ST8SIA1: variants seen among roughly 807,000 people sequenced by gnomAD.
ST8SIA1 encodes ST8 alpha-N-acetyl-neuraminide alpha-2,8-sialyltransferase 1, also known as alpha-N-acetylneuraminide alpha-2,8-sialyltransferase.
ST8SIA1 carries 16 observed loss-of-function variants against 35.9 expected under a neutral mutation model. The ratio of observed to expected loss-of-function variants is 0.45; its 90% CI spans 0.30 to 0.68. ST8SIA1 has a LOEUF of 0.68. ST8SIA1 is among the 30% of genes least tolerant of loss of function. The pLI is 0.09. For synonymous variants in ST8SIA1, 170 were observed against 169.6 expected (o/e 1.00, Z -0.02); for missense variants, 383 against 453.6 (o/e 0.84, Z 1.41).
chr12:22,250,920 T>A (rs879714555), intron 3 of ST8SIA1: 1 of 152,240 alleles, frequency 6.6e-6, no homozygotes, highest in Admixed American at 6.5e-5. Flanking sequence ...ATGGGGGCCT[T>A]GGGGGTGGAG....
intron 1 of ST8SIA1, among the ~76,000 whole-genome samples, chr12:22,313,602 C>T (rs1159975396): frequency 1.3e-5 from 2 of 152,126 alleles, no homozygotes; most frequent in Non-Finnish European, 2.9e-5. Flanking sequence ...GCTGGATACC[C>T]TCGATGTTCA....
At chr12:22,300,108 G>T (rs1866300561) in intron 1 of ST8SIA1, among the ~76,000 whole-genome samples, 1 of 152,092 alleles carries the variant, frequency 6.6e-6, no homozygotes, top group South Asian at 2.1e-4. Context: ...TATTACATCT[G>T]TGTATCTTTA....
rs1428350850 is a variant in ST8SIA1, at chr12:22,265,562, T to A, written c.382-10173A>T. On this transcript the variant is annotated intron_variant, in intron 2 of 4. Coordinates refer to ENST00000396037, the MANE Select transcript of ST8SIA1 (RefSeq NM_003034.4). ...ACTTGTAACAACTGTACTGACTTCT[T>A]ACAGTTGTTGTGAGAATTAAATGAC... Among the ~76,000 whole-genome samples the A allele has an allele frequency of 3.3e-5, 5 of 152,346 alleles. No homozygotes were observed. The East Asian group carries it at 9.6e-4, about 29-fold the overall frequency.
chr12:22,293,866 G>A (rs1866210917), intron 1 of ST8SIA1, among the ~76,000 whole-genome samples: 1 of 152,060 alleles, frequency 6.6e-6, no homozygotes. Context: ...TAACAAAAGG[G>A]GGCTTTTCTT....
intron 4 of ST8SIA1, among the ~76,000 whole-genome samples, chr12:22,209,028 T>G (rs930264028): frequency 7.2e-5 from 11 of 152,112 alleles, no homozygotes; most frequent in African/African-American, 2.7e-4. Flanking sequence ...GAAAATATCT[T>G]TAAGACCTTT....
At chr12:22,278,607 A>G (rs1865997793) in intron 2 of ST8SIA1, among the ~76,000 whole-genome samples, 1 of 152,212 alleles carries the variant, frequency 6.6e-6, no homozygotes. Flanking sequence ...ATCAGATGAT[A>G]CATATTGTAT....
rs184622397 is a variant in ST8SIA1 at position 22,219,513 on chromosome 12, G to A, written c.585-17475C>T. 3.3e-5 allele frequency among the ~76,000 whole-genome samples: 5 copies of A among 152,288 alleles called. No homozygotes were observed. The East Asian group carries it at 9.7e-4, about 29-fold the overall frequency. On this transcript the variant is annotated intron_variant, in intron 4 of 4. Coordinates refer to ENST00000396037, the MANE Select transcript of ST8SIA1 (RefSeq NM_003034.4). ...ATTTCCCAGGCCTCAGACTACATCTGAAGAAGCAAGAGAGGACTTAATATT... is the reference window on the plus strand; with the variant it reads ...ATTTCCCAGGCCTCAGACTACATCTAAAGAAGCAAGAGAGGACTTAATATT...
chr12:22,301,483 A>C (rs534017533), intron 1 of ST8SIA1, among the ~76,000 whole-genome samples: 1 of 152,244 alleles, frequency 6.6e-6, no homozygotes, highest in Non-Finnish European at 1.5e-5. Context: ...CCTATAAATA[A>C]AATTTGGAGC....
At chr12:22,319,294 T>C (rs1187291148) in intron 1 of ST8SIA1, among the ~76,000 whole-genome samples, 3 of 152,212 alleles carry the variant, frequency 2.0e-5, no homozygotes, top group Non-Finnish European at 2.9e-5. Context: ...AATTGACTGA[T>C]AAAATCTGCA....
intron 4 of ST8SIA1, among the ~76,000 whole-genome samples, chr12:22,232,575 T>C (rs945802484): frequency 1.3e-5 from 2 of 152,194 alleles, no homozygotes; most frequent in South Asian, 2.1e-4. Context: ...GTTAGGTATA[T>C]GAGTCTGGAG....
At chr12:22,228,315 T>G (rs1865380710) in intron 4 of ST8SIA1, among the ~76,000 whole-genome samples, 1 of 152,254 alleles carries the variant, frequency 6.6e-6, no homozygotes, top group African/African-American at 2.4e-5. Context: ...AGGCTTAGTT[T>G]AGATTATGAC....
At chr12:22,272,818 C>G (rs928965159) in intron 2 of ST8SIA1, among the ~76,000 whole-genome samples, 1 of 152,248 alleles carries the variant, frequency 6.6e-6, no homozygotes, top group African/African-American at 2.4e-5. Flanking sequence ...TGCTCTGTCA[C>G]TGCACTCTGC....
rs1457654790 is a variant in ST8SIA1, at chr12:22,216,754, A to G, written c.585-14716T>C. ...TGCAGTATCTAATAAATATTTGTTG[A>G]ACAAATAAATGCATAATGAAATGAG... On this transcript the variant is annotated intron_variant, in intron 4 of 4. Coordinates refer to ENST00000396037, the MANE Select transcript of ST8SIA1 (RefSeq NM_003034.4). Among the ~76,000 whole-genome samples, 10 of 152,308 alleles carry G rather than the reference A, an allele frequency of 6.6e-5. No individual in the cohort carries two copies. The East Asian group carries it at 1.5e-3, about 23-fold the overall frequency.
rs1178848455 is a variant in ST8SIA1, at chr12:22,249,089, G to A, written c.501C>T (p.Leu167=). 1 of 1,611,114 alleles carries A rather than the reference G, an allele frequency of 6.2e-7. No individual in the cohort carries two copies. The highest frequency in any genetic ancestry group is 1.1e-5 in the South Asian group (1 of 90,930). ...TAGTGTATTCACTTGACAAAGGAGGGAGATTGCATCTAGAGAAACAAGAAC... is the reference window on the plus strand; with the variant it reads ...TAGTGTATTCACTTGACAAAGGAGGAAGATTGCATCTAGAGAAACAAGAAC... The part of the protein sequence containing the change: ...DEANFVMRCN[L]PPLSSEYTKD... Residue 167 remains leucine, a synonymous_variant, in exon 4 of 5, where the codon CTC becomes CTT. Coordinates refer to ENST00000396037, the MANE Select transcript of ST8SIA1 (RefSeq NM_003034.4).
intron 1 of ST8SIA1, among the ~76,000 whole-genome samples, chr12:22,303,320 C>CTT (rs138331297): frequency 0.084 from 12,317 of 147,316 alleles, 780 homozygotes; most frequent in East Asian, 0.3. Context: ...CATACAACTC[C>CTT]TTTTTTTTTT....
At chr12:22,315,733 C>T (rs1470960486) in intron 1 of ST8SIA1, among the ~76,000 whole-genome samples, 1 of 143,480 alleles carries the variant, frequency 7.0e-6, no homozygotes, top group Non-Finnish European at 1.5e-5. Flanking sequence ...GTAGTTAGGG[C>T]AAGCAAATAA....
At chr12:22,253,669 T>C (rs572431390) in intron 3 of ST8SIA1, among the ~76,000 whole-genome samples, 1 of 152,146 alleles carries the variant, frequency 6.6e-6, no homozygotes, top group Non-Finnish European at 1.5e-5. Context: ...TGAGCAGGTG[T>C]TGCATTGACT....
At chr12:22,272,073 C>T (rs1478587311) in intron 2 of ST8SIA1, among the ~76,000 whole-genome samples, 1 of 152,166 alleles carries the variant, frequency 6.6e-6, no homozygotes, top group African/African-American at 2.4e-5. Context: ...AAGCCCAAAT[C>T]TTTATCTTCT....
At chr12:22,215,780 A>G (rs1565568867) in intron 4 of ST8SIA1, among the ~76,000 whole-genome samples, 1 of 152,230 alleles carries the variant, frequency 6.6e-6, no homozygotes. Context: ...TTTTCATAGC[A>G]TCTCTTAAGT....
Sources: allele counts gnomAD v4.1 joint callset (sites outside exome capture counted in the v4.1 genomes callset), GRCh38; gene constraint gnomAD v4.1.1; transcripts MANE v1.5; gene names NCBI Gene and HGNC (gene_info 2026-07-23, HGNC 2026-07-21).